The following SEPTIN14 variants were observed in gnomAD, a reference collection of about 807,000 sequenced individuals.
SEPTIN14 encodes the protein septin 14, also known as septin-14.
Under a neutral mutation model 53.6 loss-of-function variants are expected in SEPTIN14, and 40 were observed. The ratio of observed to expected loss-of-function variants is 0.75; its 90% CI spans 0.58 to 0.97. The LOEUF is 0.97. SEPTIN14 is among the 50% of genes least tolerant of loss of function. The probability of loss-of-function intolerance (pLI) is 0.00; values close to 1 mark genes in which losing one functional copy is unlikely to be tolerated. For synonymous variants in SEPTIN14, 138 were observed against 166.8 expected (o/e 0.83, Z 1.33); for missense variants, 471 against 508.2 (o/e 0.93, Z 0.70).
At chr7:55,827,572 A>G (rs553489292) in intron 6 of SEPTIN14, among the ~76,000 whole-genome samples, 2 of 152,318 alleles carry the variant, frequency 1.3e-5, no homozygotes, top group African/African-American at 2.4e-5. Context: ...GAGCTGCACC[A>G]GCCACCCTCT....
chr7:55,795,934 T>C lies in SEPTIN14; in HGVS notation c.1278A>G (p.Lys426=), dbSNP rs1788424623. The C allele has an allele frequency of 6.3e-7, 1 of 1,594,346 alleles. No individual in the cohort carries two copies. The highest frequency in any genetic ancestry group is 8.5e-7 in the Non-Finnish European group (1 of 1,178,068). Residue 426 remains lysine (K), a synonymous_variant, in exon 10 of 10, where the codon AAA becomes AAG. Transcript: ENST00000388975. ...ACTATTATTTCTTACGATGTTTGTC[T>C]TTCTTTGTATCGGTGCTCAGCTGAG... ...LQTQLSTDTK[K]DKHRKK
intron 9 of SEPTIN14, among the ~76,000 whole-genome samples, chr7:55,799,293 G>T (rs1051154358): frequency 6.6e-6 from 1 of 150,670 alleles, no homozygotes. Flanking sequence ...ATCACTTGAG[G>T]TCAGGAGTTC....
chr7:55,809,218 C>G (rs1396569073), intron 7 of SEPTIN14, among the ~76,000 whole-genome samples: 1 of 151,014 alleles, frequency 6.6e-6, no homozygotes, highest in East Asian at 1.9e-4. Context: ...ATTGAGAACA[C>G]ATAGACACAA....
intron 5 of SEPTIN14, among the ~76,000 whole-genome samples, chr7:55,835,629 A>T (rs574323693): frequency 1.6e-4 from 25 of 152,274 alleles, no homozygotes; most frequent in Admixed American, 1.6e-3. Flanking sequence ...TCCATCAATC[A>T]ATCTTAATTA....
At chr7:55,809,081 T>TA (rs1293660881) in intron 7 of SEPTIN14, among the ~76,000 whole-genome samples, 3 of 151,924 alleles carry the variant, frequency 2.0e-5, no homozygotes, top group Admixed American at 2.0e-4. Flanking sequence ...TACACAGCCA[T>TA]AAAAAAAGAA....
chr7:55,824,124 T>C (rs771549378), intron 6 of SEPTIN14, among the ~76,000 whole-genome samples: 3 of 152,154 alleles, frequency 2.0e-5, no homozygotes, highest in Admixed American at 6.5e-5. Context: ...CATTGATGAA[T>C]GGAAAGAATC....
At chr7:55,824,372 G>A (rs1371382654) in intron 6 of SEPTIN14, among the ~76,000 whole-genome samples, 1 of 152,034 alleles carries the variant, frequency 6.6e-6, no homozygotes, top group African/African-American at 2.4e-5. Context: ...TAACAAATTA[G>A]CATGTAAAAA....
rs1447784883 is a variant in SEPTIN14, at chr7:55,846,572, A to AT, written c.119dup (p.Asn40LysfsTer15). ...GTCGGATAGATCTGCTCACCAACTG[A>AT]TTGGGCAAACATTCAAAACCAAAAT... On this transcript the variant is annotated frameshift_variant, in exon 3 of 10. Transcript: ENST00000388975. LOFTEE classifies it high-confidence loss of function. 2.5e-6 allele frequency: 4 copies of AT among 1,585,542 alleles called. No homozygotes were observed. The highest frequency in any genetic ancestry group is 3.5e-6 in the Non-Finnish European group (4 of 1,155,662).
intron 5 of SEPTIN14, among the ~76,000 whole-genome samples, chr7:55,838,180 G>C (rs528138236): frequency 2.6e-5 from 4 of 152,290 alleles, no homozygotes; most frequent in African/African-American, 9.6e-5. Flanking sequence ...TGGGGCTTAA[G>C]CAGCCTATTG....
At chr7:55,835,062 G>A (rs1789180890) in intron 5 of SEPTIN14, among the ~76,000 whole-genome samples, 1 of 152,106 alleles carries the variant, frequency 6.6e-6, no homozygotes, top group Admixed American at 6.6e-5. Flanking sequence ...CAATACTTTT[G>A]AAGATTGATC....
intron 7 of SEPTIN14, among the ~76,000 whole-genome samples, chr7:55,813,359 G>A (rs1788738230): frequency 6.6e-6 from 1 of 152,100 alleles, no homozygotes; most frequent in Admixed American, 6.6e-5. Context: ...AGTGCCCTGG[G>A]GTCCTGAATA....
chr7:55,850,101 A>G (rs1406287544), intron 2 of SEPTIN14, among the ~76,000 whole-genome samples: 1 of 152,234 alleles, frequency 6.6e-6, no homozygotes, highest in Admixed American at 6.5e-5. Flanking sequence ...AGAAAAATTC[A>G]CACAAACTCT....
At chr7:55,806,741 G>A (rs1788616274) in intron 8 of SEPTIN14, among the ~76,000 whole-genome samples, 3 of 152,212 alleles carry the variant, frequency 2.0e-5, no homozygotes, top group Admixed American at 2.0e-4. Context: ...GGGATTACAG[G>A]CATGAGCCAC....
In SEPTIN14 at chr7:55,842,979, G is replaced by C. The variant is rs767050459; in HGVS notation, c.521C>G (p.Ser174Cys). The C allele has an allele frequency of 6.4e-7, 1 of 1,551,188 alleles. No individual in the cohort carries two copies. The highest frequency in any genetic ancestry group is 8.7e-7 in the Non-Finnish European group (1 of 1,150,532). The change falls in exon 5 of 10, where the codon TCT becomes TGT. Residue 174 changes from serine to cysteine, a missense_variant. By Grantham distance (112) the Ser-to-Cys change is moderately radical. Transcript: ENST00000388975. Reference sequence around the variant, plus strand: ...GTTCTTCATTGTTAATAGATCAAGAGACTTCAGGGAATGTCCTGTAGGTGA... The same window carrying C: ...GTTCTTCATTGTTAATAGATCAAGACACTTCAGGGAATGTCCTGTAGGTGA... ...FISPTGHSLK[S>C]LDLLTMKNLD...
Position 55,796,047 on chromosome 7 carries a change from T to C in SEPTIN14, c.1165A>G (p.Ile389Val), listed in dbSNP as rs750319796. The part of the protein sequence containing the change: ...EHLKMIQQEE[I>V]RKLEEEKKQL... ...TTTTTCTCTTCCTCGAGCTTCCTTA[T>C]CTCCTCCTGTTGAATCATTTTAAGA... is the stretch of plus-strand genomic sequence containing the variant. Residue 389 changes from isoleucine (I) to valine (V), a missense_variant, in exon 10 of 10, where the codon ATA (isoleucine) becomes GTA (valine). Ile to Val is a conservative substitution (Grantham distance 29). Transcript: ENST00000388975. The C allele has an allele frequency of 1.3e-6, 2 of 1,503,940 alleles. No homozygotes were observed. The highest frequency in any genetic ancestry group is 4.5e-5 in the East Asian group (2 of 44,434). 93.2% of individuals were successfully genotyped at this position (1,503,940 alleles called of 1,614,324 possible).
chr7:55,839,606 A>G (rs934495031), intron 5 of SEPTIN14, among the ~76,000 whole-genome samples: 1 of 152,166 alleles, frequency 6.6e-6, no homozygotes, highest in African/African-American at 2.4e-5. Flanking sequence ...CATAGAAAAA[A>G]ACAGTATATA....
chr7:55,846,065 G>GCATATATATATATATATA (rs1789398581), intron 3 of SEPTIN14, among the ~76,000 whole-genome samples: 2 of 39,758 alleles, frequency 5.0e-5, no homozygotes, highest in Non-Finnish European at 1.1e-4. Flanking sequence ...AAAAAAAAAA[G>GCATATATATATATATATA]TATATATATA....
At chr7:55,832,358 G>A (rs566754002) in intron 6 of SEPTIN14, among the ~76,000 whole-genome samples, 10 of 152,192 alleles carry the variant, frequency 6.6e-5, no homozygotes, top group African/African-American at 2.2e-4. Flanking sequence ...GAGATTTCTC[G>A]AAGCACTAAA....
intron 7 of SEPTIN14, chr7:55,811,394 GCCC>G: frequency 2.0e-6 from 1 of 488,234 alleles, no homozygotes; most frequent in South Asian, 1.6e-5. Flanking sequence ...CCCAACTACT[GCCC>G]TTTCTAGGAG....
Sources: allele counts gnomAD v4.1 joint callset (sites outside exome capture counted in the v4.1 genomes callset), GRCh38; gene constraint gnomAD v4.1.1; transcripts MANE v1.5; gene names NCBI Gene and HGNC (gene_info 2026-07-23, HGNC 2026-07-21).